The following FOXP3 variants were observed in gnomAD, a reference collection of about 807,000 sequenced individuals.
FOXP3 encodes forkhead box protein P3.
A neutral mutation model predicts 31.2 loss-of-function variants in FOXP3; 5 were observed. The observed-to-expected ratio is 0.16, with a 90% CI of 0.08 to 0.34. The LOEUF (loss-of-function observed/expected upper bound fraction) is 0.34, where lower values mean the gene tolerates loss of function less well. FOXP3 is among the 10% of genes least tolerant of loss of function. The pLI, the probability that FOXP3 is intolerant of heterozygous loss-of-function variation, is 1.00. For missense variants in FOXP3, 251 were observed against 363.0 expected (o/e 0.69, Z 2.51); for synonymous variants, 141 against 148.8 (o/e 0.95, Z 0.38).
chrX:49,252,116 G>A (rs191091959), intron 10 of FOXP3, among the ~76,000 whole-genome samples: 47 of 108,059 alleles, frequency 4.3e-4, no homozygotes, highest in Non-Finnish European at 7.5e-4. Context: ...TCAGGGTTGG[G>A]GAAGGTGAAG....
At chrX:49,251,551 C>T in intron 11 of FOXP3, 68 bp from the exon 12 acceptor site, 1 of 1,210,758 alleles carries the variant, frequency 8.3e-7, no homozygotes, top group Non-Finnish European at 1.1e-6. Context: ...CCACCAACAA[C>T]CCACATCCCG....
At chrX:49,255,407 C>A in intron 8 of FOXP3, 22 bp downstream of exon 8, 1 of 1,192,417 alleles carries the variant, frequency 8.4e-7, no homozygotes, top group East Asian at 3.0e-5. Flanking sequence ...AGTCTGCCAC[C>A]ACCAGTCCTG....
rs782727861 is a variant in FOXP3, at chrX:49,253,899, T to C, written c.967+18A>G. On this transcript the variant is annotated intron_variant, in intron 9 of 11. Transcript: ENST00000376207. The stretch of plus-strand genomic sequence containing the variant: ...TTAGGAGCTTGGGGGCACCGTGTAG[T>C]GCAAGGACCATTCTTACCTGGGAAT... 3 of 1,211,191 alleles carry C rather than the reference T, an allele frequency of 2.5e-6. No homozygotes were observed. Among genetic ancestry groups the C allele is most frequent in the African/African-American group, 1.7e-5 (1 of 57,753 alleles).
At chrX:49,256,225 AGAGAG>A (rs2066070621) in intron 6 of FOXP3, among the ~76,000 whole-genome samples, 1 of 4,513 alleles carries the variant, frequency 2.2e-4, no homozygotes, top group African/African-American at 5.1e-4. Context: ...AGAGAAAGAG[AGAGAG>A]AGAGAGAGAG....
At chrX:49,255,836 C>T (rs373868419) in intron 6 of FOXP3, 34 bp from the exon 7 acceptor site, 94 of 1,136,369 alleles carry the variant, frequency 8.3e-5, no homozygotes, top group Non-Finnish European at 1.1e-4. Flanking sequence ...CAGGTGACCA[C>T]GACAGGCCTG....
At chrX:49,264,187 G>A (rs782482308) in intron 1 of FOXP3, among the ~76,000 whole-genome samples, 1 of 111,107 alleles carries the variant, frequency 9.0e-6, no homozygotes, top group Admixed American at 9.5e-5. Flanking sequence ...GGGAAAGAGA[G>A]TCTGAGTGTA....
chrX:49,262,152 G>A (rs1295968977), intron 1 of FOXP3, among the ~76,000 whole-genome samples: 20 of 112,526 alleles, frequency 1.8e-4, no homozygotes, highest in African/African-American at 5.2e-4. Flanking sequence ...GCATGTGTGC[G>A]AGAGGAGGAT....
At chrX:49,263,039 T>C (rs997059209) in intron 1 of FOXP3, among the ~76,000 whole-genome samples, 1 of 110,262 alleles carries the variant, frequency 9.1e-6, no homozygotes, top group South Asian at 3.8e-4. Context: ...AAATGATGAA[T>C]TGGGGAAAAT....
intron 1 of FOXP3, among the ~76,000 whole-genome samples, chrX:49,260,564 T>C (rs2066103852): frequency 8.9e-6 from 1 of 112,259 alleles, no homozygotes; most frequent in African/African-American, 3.2e-5. Flanking sequence ...AAAGCATAGA[T>C]ACATTCTCAG....
intron 7 of FOXP3, 42 bp downstream of exon 7, chrX:49,255,673 C>G: frequency 8.6e-7 from 1 of 1,165,758 alleles, no homozygotes; most frequent in Non-Finnish European, 1.2e-6. Context: ...GAAGGTTTTG[C>G]GCACTATCCC....
Position 49,251,189 on chromosome X carries a change from CAG to C in FOXP3, c.*143_*144del. On this transcript the variant is annotated 3_prime_UTR_variant, in exon 12 of 12. Coordinates refer to ENST00000376207, the MANE Select transcript of FOXP3 (RefSeq NM_014009.4). ...GAGGGGGTGGCTGCCAGCGGGGGAA[CAG>C]GGGCCCTGGCAGGCAAGACAGTGGA... 4 of 751,499 alleles carry C rather than the reference CAG, an allele frequency of 5.3e-6. No individual in the cohort carries two copies. Among genetic ancestry groups the C allele is most frequent in the Non-Finnish European group, 7.8e-6 (4 of 513,937 alleles). 61.9% of individuals were successfully genotyped at this position (751,499 alleles called of 1,213,427 possible). A position where few individuals can be genotyped will look rare whatever the true frequency, so the allele number is the denominator to read the frequency against.
rs1405779811 is a variant in FOXP3 at position 49,259,368 on chromosome X, C to T, written c.-22-841G>A. 18 of 494,651 alleles carry T rather than the reference C, an allele frequency of 3.6e-5. No homozygotes were observed. The East Asian group carries it at 4.1e-4, about 11-fold the overall frequency. 40.8% of individuals were successfully genotyped at this position (494,651 alleles called of 1,213,427 possible). A position where few individuals can be genotyped will look rare whatever the true frequency, so the allele number is the denominator to read the frequency against. ...GGGTCTGGATCTCAGGGCAAGGAGGCGAGTCCAGGAGTGTGATCATGCACG... is the reference window on the plus strand; with the variant it reads ...GGGTCTGGATCTCAGGGCAAGGAGGTGAGTCCAGGAGTGTGATCATGCACG... On this transcript the variant is annotated intron_variant, in intron 1 of 11. Transcript: ENST00000376207.
Position 49,256,732 on chromosome X carries a change from A to C in FOXP3, c.647+19T>G, listed in dbSNP as rs371187277. 12 of 1,179,199 alleles carry C rather than the reference A, an allele frequency of 1.0e-5. No individual in the cohort carries two copies. In the African/African-American group the frequency reaches 1.1e-4, roughly 10 times the overall value. ...CACAAGCCAGGGCCGGTAGACTGGC[A>C]CAGGCCTGGGCCACTCACTTGAGGA... On this transcript the variant is annotated intron_variant, in intron 6 of 11. Transcript: ENST00000376207.
At chrX:49,263,173 C>CAAAAAAA (rs72024386) in intron 1 of FOXP3, among the ~76,000 whole-genome samples, 2 of 58,996 alleles carry the variant, frequency 3.4e-5, no homozygotes, top group East Asian at 6.0e-4. Flanking sequence ...ACCAGACAAC[C>CAAAAAAA]AAAAAAAAAA....
At chrX:49,256,706 C>T (rs1557116398) in intron 6 of FOXP3, 45 bp downstream of exon 6, 1 of 1,129,968 alleles carries the variant, frequency 8.8e-7, no homozygotes, top group Non-Finnish European at 1.2e-6. Context: ...AGACCTCTCC[C>T]CACAAGCCAG....
intron 10 of FOXP3, 116 bp from the exon 11 acceptor site, chrX:49,251,881 G>A: frequency 1.7e-6 from 2 of 1,146,273 alleles, no homozygotes; most frequent in Non-Finnish European, 2.3e-6. Flanking sequence ...AGGTAATCAG[G>A]GACAGGACTA....
rs1317916668 is a variant in FOXP3, at chrX:49,251,377, C to T, written c.1253G>A (p.Ser418Asn). ...VDELEFRKKR[S>N]QRPSRCSNPT... The stretch of plus-strand genomic sequence containing the variant: ...GTTGGAACACCTGCTGGGCCTCTGG[C>T]TCCGTTTCTTGCGGAACTCCAGCTC... The change falls in exon 12 of 12, where the codon AGC (serine) becomes AAC (asparagine). Residue 418 changes from serine to asparagine, a missense_variant. By Grantham distance (46) the Ser-to-Asn change is conservative. Transcript: ENST00000376207. The T allele has an allele frequency of 8.3e-7, 1 of 1,211,389 alleles. No individual in the cohort carries two copies. The highest frequency in any genetic ancestry group is 1.1e-6 in the Non-Finnish European group (1 of 895,258).
chrX:49,256,662 A>T, intron 6 of FOXP3, 89 bp downstream of exon 6: 1 of 761,948 alleles, frequency 1.3e-6, no homozygotes, highest in South Asian at 2.1e-5. Context: ...CTTACTACTT[A>T]TTGGGATGAA....
At chrX:49,256,220 A>AG (rs2066069868) in intron 6 of FOXP3, among the ~76,000 whole-genome samples, 3 of 67,014 alleles carry the variant, frequency 4.5e-5, no homozygotes, top group African/African-American at 8.1e-5. Context: ...GAGAGAGAGA[A>AG]AGAGAGAGAG....
Sources: gnomAD v4.1 joint callset for allele counts (sites outside exome capture counted in the v4.1 genomes callset) on GRCh38, gnomAD v4.1.1 for gene constraint, MANE v1.5 for transcripts, NCBI Gene and HGNC (gene_info 2026-07-23, HGNC 2026-07-21) for gene names.